Variants in DENND1B observed in about 807,000 individuals in gnomAD.
The protein encoded by DENND1B is DENN domain containing 1B, also known as DENN domain-containing protein 1B.
In DENND1B, 59 loss-of-function variants were observed where a neutral mutation model predicts 90.1. The observed-to-expected ratio is 0.65, with a 90% CI of 0.53 to 0.81. DENND1B has a LOEUF of 0.81. DENND1B is among the 40% of genes least tolerant of loss of function. DENND1B has a pLI of 0.00. For missense variants in DENND1B, 862 were observed against 912.6 expected (o/e 0.94, Z 0.71); for synonymous variants, 337 against 324.6 (o/e 1.04, Z -0.41).
intron 15 of DENND1B, among the ~76,000 whole-genome samples, chr1:197,555,931 T>C (rs1438269302): frequency 1.3e-5 from 2 of 152,038 alleles, no homozygotes; most frequent in African/African-American, 2.4e-5. Context: ...ACTATTGACA[T>C]AGCAAAGACA....
chr1:197,781,896 A>G, the DENND1B span, among the ~76,000 whole-genome samples: 1 of 152,224 alleles, frequency 6.6e-6, no homozygotes. Context: ...GTAAGAAAAT[A>G]CAGTAAAATT....
chr1:197,529,663 C>T (rs1297957344), intron 20 of DENND1B, among the ~76,000 whole-genome samples: 1 of 151,986 alleles, frequency 6.6e-6, no homozygotes, highest in Non-Finnish European at 1.5e-5. Flanking sequence ...ATATATATAA[C>T]TTTTACATAT....
chr1:197,739,965 A>G (rs1476398285), intron 2 of DENND1B, among the ~76,000 whole-genome samples: 1 of 152,220 alleles, frequency 6.6e-6, no homozygotes, highest in Non-Finnish European at 1.5e-5. Flanking sequence ...CCTTTCAGTT[A>G]CCCTATGAAA....
intron 3 of DENND1B, among the ~76,000 whole-genome samples, chr1:197,706,219 T>C (rs1659520073): frequency 6.6e-6 from 1 of 152,180 alleles, no homozygotes; most frequent in Admixed American, 6.5e-5. Context: ...CCCATTTATT[T>C]GAAGACATAA....
At chr1:197,597,978 A>G (rs1479481997) in intron 13 of DENND1B, among the ~76,000 whole-genome samples, 1 of 151,872 alleles carries the variant, frequency 6.6e-6, no homozygotes, top group Non-Finnish European at 1.5e-5. Context: ...AGGGTTAAAT[A>G]AAATATATCG....
At chr1:197,707,006 A>T (rs992140805) in intron 3 of DENND1B, among the ~76,000 whole-genome samples, 2 of 152,222 alleles carry the variant, frequency 1.3e-5, no homozygotes, top group Non-Finnish European at 2.9e-5. Context: ...TATGGAATCA[A>T]CCTAAGTGTC....
upstream of DENND1B, among the ~76,000 whole-genome samples, chr1:197,777,380 G>A (rs982835272): frequency 4.6e-5 from 7 of 152,058 alleles, no homozygotes; most frequent in Admixed American, 1.3e-4. Flanking sequence ...CTACACATTC[G>A]CATCCCAAAG....
intron 3 of DENND1B, among the ~76,000 whole-genome samples, chr1:197,681,513 A>G (rs1382393231): frequency 2.0e-5 from 3 of 152,186 alleles, no homozygotes; most frequent in South Asian, 2.1e-4. Flanking sequence ...CACCAACTCT[A>G]CATAAGGCAC....
Position 197,737,954 on chromosome 1 carries a change from G to A in DENND1B, c.83-22880C>T, listed in dbSNP as rs189019582. Among the ~76,000 whole-genome samples the A allele has an allele frequency of 1.2e-4, 18 of 152,252 alleles. No individual in the cohort carries two copies. The East Asian group carries it at 1.5e-3, about 13-fold the overall frequency. ...TGCTGAAATTTTATTAGAAAGGAGA[G>A]GGTAACATAGATATCTGACCTGGAA... On this transcript the variant is annotated intron_variant, in intron 2 of 22. Transcript: ENST00000620048.
intron 10 of DENND1B, among the ~76,000 whole-genome samples, chr1:197,639,266 G>A (rs1680070373): frequency 6.6e-6 from 1 of 152,086 alleles, no homozygotes; most frequent in African/African-American, 2.4e-5. Flanking sequence ...GTTTCGCTAT[G>A]TTGGCCAGGC....
chr1:197,558,881 T>G (rs1671930408), intron 15 of DENND1B, among the ~76,000 whole-genome samples: 1 of 151,940 alleles, frequency 6.6e-6, no homozygotes, highest in Admixed American at 6.6e-5. Context: ...AAATTAACAT[T>G]CACTATTCAA....
chr1:197,732,052 T>C (rs963296839), intron 2 of DENND1B, among the ~76,000 whole-genome samples: 1 of 152,198 alleles, frequency 6.6e-6, no homozygotes. Context: ...TTGACCATAG[T>C]GAACAGAGGT....
At chr1:197,569,976 A>G (rs1415460013) in intron 15 of DENND1B, among the ~76,000 whole-genome samples, 1 of 152,166 alleles carries the variant, frequency 6.6e-6, no homozygotes, top group East Asian at 1.9e-4. Flanking sequence ...CTGATATGTT[A>G]CTTAGCTTGA....
At chr1:197,716,588 G>C in intron 2 of DENND1B, among the ~76,000 whole-genome samples, 1 of 151,602 alleles carries the variant, frequency 6.6e-6, no homozygotes, top group East Asian at 1.9e-4. Flanking sequence ...GCTAAAATTT[G>C]AATCTCATAA....
intron 3 of DENND1B, among the ~76,000 whole-genome samples, chr1:197,696,093 T>A (rs1658408062): frequency 6.6e-6 from 1 of 151,422 alleles, no homozygotes; most frequent in Non-Finnish European, 1.5e-5. Context: ...GACCCATTAG[T>A]CATTATTAAA....
intron 14 of DENND1B, among the ~76,000 whole-genome samples, chr1:197,588,985 C>T (rs1352991420): frequency 6.6e-6 from 1 of 151,958 alleles, no homozygotes; most frequent in Non-Finnish European, 1.5e-5. Context: ...CTACAGCTAC[C>T]TACTAATGTT....
At position 197,568,145 on chromosome 1, in the gene DENND1B, A is replaced by G. The variant is rs1672847515; in HGVS notation, c.1149+15007T>C. 2.6e-5 allele frequency among the ~76,000 whole-genome samples: 4 copies of G among 152,094 alleles called. 1 individual carries two copies. The highest frequency in any genetic ancestry group is 4.1e-4 in the South Asian group (2 of 4,830). On this transcript the variant is annotated intron_variant, in intron 15 of 22. Transcript: ENST00000620048. ...GAGCAAAAAAACTGTTGGAACTAATAAGCAAAATCAGTAATGTAGCAAGAT... is the reference window on the plus strand; with the variant it reads ...GAGCAAAAAAACTGTTGGAACTAATGAGCAAAATCAGTAATGTAGCAAGAT...
rs552850455 is a variant in DENND1B, at chr1:197,581,425, A to T, written c.1149+1727T>A. ...TGTATTTTTTAAAAGTCCTACACAG[A>T]TATGTATTTTGTTAATGTAATTTCT... On this transcript the variant is annotated intron_variant, in intron 15 of 22. Coordinates refer to ENST00000620048, the MANE Select transcript of DENND1B (RefSeq NM_001195215.2). Among the ~76,000 whole-genome samples the T allele has an allele frequency of 2.6e-5, 4 of 152,278 alleles. No individual in the cohort carries two copies. The East Asian group carries it at 7.7e-4, about 29-fold the overall frequency.
At chr1:197,581,281 G>A (rs1327047173) in intron 15 of DENND1B, among the ~76,000 whole-genome samples, 1 of 152,146 alleles carries the variant, frequency 6.6e-6, no homozygotes, top group Non-Finnish European at 1.5e-5. Context: ...TAAGAATCAT[G>A]AGCATATCAA....
Sources: allele counts gnomAD v4.1 joint callset (sites outside exome capture counted in the v4.1 genomes callset), GRCh38; gene constraint gnomAD v4.1.1; transcripts MANE v1.5; gene names NCBI Gene and HGNC (gene_info 2026-07-23, HGNC 2026-07-21).